The following VWC2L variants were observed in gnomAD, a reference collection of about 807,000 sequenced individuals.
The protein encoded by VWC2L is von Willebrand factor C domain-containing protein 2-like.
A neutral mutation model predicts 21.6 loss-of-function variants in VWC2L; 10 were observed. The ratio of observed to expected loss-of-function variants is 0.46; its 90% CI spans 0.29 to 0.78. The LOEUF is 0.78. VWC2L is among the 30% of genes least tolerant of loss of function. The pLI is 0.10. For missense variants in VWC2L, 209 were observed against 277.1 expected (o/e 0.75, Z 1.74); for synonymous variants, 96 against 94.3 (o/e 1.02, Z -0.10).
intron 3 of VWC2L, among the ~76,000 whole-genome samples, chr2:214,546,056 G>T (rs1689702085): frequency 6.6e-6 from 1 of 152,140 alleles, no homozygotes; most frequent in South Asian, 2.1e-4. Context: ...GGTATCACAT[G>T]CCAGAACATG....
At chr2:214,523,625 G>A (rs1689279710) in intron 3 of VWC2L, among the ~76,000 whole-genome samples, 1 of 152,112 alleles carries the variant, frequency 6.6e-6, no homozygotes, top group Admixed American at 6.5e-5. Flanking sequence ...GATCACTTGA[G>A]GTCAGGAATT....
intron 3 of VWC2L, among the ~76,000 whole-genome samples, chr2:214,561,809 T>TATATATATATATATATACACATAC: frequency 7.9e-6 from 1 of 127,246 alleles, no homozygotes; most frequent in Non-Finnish European, 1.6e-5. Flanking sequence ...TATATATATA[T>TATATATATATATATATACACATAC]ACACACACAT....
intron 3 of VWC2L, among the ~76,000 whole-genome samples, chr2:214,465,826 G>A (rs1049118697): frequency 6.6e-6 from 1 of 152,136 alleles, no homozygotes; most frequent in Admixed American, 6.6e-5. Context: ...CTCTGGTTAG[G>A]GTTGTTCTAA....
intron 3 of VWC2L, among the ~76,000 whole-genome samples, chr2:214,520,190 T>A (rs1689213261): frequency 6.6e-6 from 1 of 152,094 alleles, no homozygotes; most frequent in African/African-American, 2.4e-5. Context: ...ATTGATAACA[T>A]CTGGGCATAC....
chr2:214,460,278 C>A (rs1023424931), intron 3 of VWC2L, among the ~76,000 whole-genome samples: 1 of 152,078 alleles, frequency 6.6e-6, no homozygotes, highest in Non-Finnish European at 1.5e-5. Flanking sequence ...GGTTTCTGAG[C>A]TTTTTGTATC....
intron 3 of VWC2L, among the ~76,000 whole-genome samples, chr2:214,486,229 GAA>G (rs937708230): frequency 3.9e-5 from 6 of 152,192 alleles, no homozygotes; most frequent in African/African-American, 1.4e-4. Flanking sequence ...CTGAGCCATA[GAA>G]AAGTTAAGTG....
At chr2:214,438,205 C>A (rs1462252296) in intron 3 of VWC2L, among the ~76,000 whole-genome samples, 1 of 151,988 alleles carries the variant, frequency 6.6e-6, no homozygotes, top group Non-Finnish European at 1.5e-5. Context: ...AAAGAGTTAG[C>A]ATAATTTGTC....
At chr2:214,451,807 T>C (rs1463078531) in intron 3 of VWC2L, among the ~76,000 whole-genome samples, 1 of 152,220 alleles carries the variant, frequency 6.6e-6, no homozygotes, top group Non-Finnish European at 1.5e-5. Flanking sequence ...ATATGAGTCA[T>C]GGCAACTATT....
chr2:214,416,526 T>C (rs887669330), intron 2 of VWC2L, among the ~76,000 whole-genome samples: 3 of 152,058 alleles, frequency 2.0e-5, no homozygotes, highest in African/African-American at 7.2e-5. Context: ...TTAGAGACTA[T>C]ATAGGGCAAA....
intron 3 of VWC2L, among the ~76,000 whole-genome samples, chr2:214,526,386 C>T (rs1209425357): frequency 6.6e-6 from 1 of 152,118 alleles, no homozygotes; most frequent in Non-Finnish European, 1.5e-5. Context: ...ATCCTCCCTG[C>T]TCACACCTCC....
intron 3 of VWC2L, among the ~76,000 whole-genome samples, chr2:214,514,738 A>C (rs945597175): frequency 6.6e-6 from 1 of 152,234 alleles, no homozygotes; most frequent in Non-Finnish European, 1.5e-5. Context: ...TCCTGTAAAT[A>C]CATACACATG....
intron 3 of VWC2L, among the ~76,000 whole-genome samples, chr2:214,495,722 G>A (rs1688802405): frequency 6.6e-6 from 1 of 151,968 alleles, no homozygotes. Flanking sequence ...TGCTTACCTT[G>A]AAAACACCAT....
At chr2:214,561,811 C>CAT (rs1224083668) in intron 3 of VWC2L, among the ~76,000 whole-genome samples, 2 of 99,658 alleles carry the variant, frequency 2.0e-5, no homozygotes, top group African/African-American at 9.5e-5. Context: ...TATATATATA[C>CAT]ACACACATAT....
chr2:214,516,039 T>C (rs2105908436), intron 3 of VWC2L, among the ~76,000 whole-genome samples: 1 of 152,280 alleles, frequency 6.6e-6, no homozygotes, highest in South Asian at 2.1e-4. Flanking sequence ...TTTTATTTCA[T>C]AGGTGATGGT....
At chr2:214,487,886 C>T (rs768193088) in intron 3 of VWC2L, among the ~76,000 whole-genome samples, 2 of 152,034 alleles carry the variant, frequency 1.3e-5, no homozygotes, top group Non-Finnish European at 2.9e-5. Context: ...TGAAGAAACA[C>T]GGAAAATATC....
Position 214,576,874 on chromosome 2 carries a change from G to C in VWC2L, c.*1054G>C, listed in dbSNP as rs183137748. 2.7e-5 allele frequency: 4 copies of C among 150,240 alleles called. No individual in the cohort carries two copies. The highest frequency in any genetic ancestry group is 1.0e-4 in the African/African-American group (4 of 40,032). The allele number at this position is 150,240 out of a possible 1,614,324, so 9.3% of individuals were successfully genotyped here. ...GCCCTATGTCTGAAACACAGATTCA[G>C]GACACCCTTTCCACCTCAAGTGCTG... On this transcript the variant is annotated 3_prime_UTR_variant, in exon 4 of 4. Transcript: ENST00000312504.
chr2:214,526,113 T>C (rs1013287008), intron 3 of VWC2L, among the ~76,000 whole-genome samples: 2 of 150,762 alleles, frequency 1.3e-5, no homozygotes, highest in African/African-American at 4.8e-5. Context: ...ATCTATTATA[T>C]ATAATCACTC....
chr2:214,541,838 A>G (rs1689632589), intron 3 of VWC2L, among the ~76,000 whole-genome samples: 1 of 152,096 alleles, frequency 6.6e-6, no homozygotes, highest in Non-Finnish European at 1.5e-5. Flanking sequence ...TTTTAATCTG[A>G]GTCACTAAAA....
chr2:214,485,464 C>T (rs530396984), intron 3 of VWC2L, among the ~76,000 whole-genome samples: 6 of 152,210 alleles, frequency 3.9e-5, no homozygotes, highest in African/African-American at 1.4e-4. Flanking sequence ...ATTACTTAAC[C>T]TCTCTGAGTT....
Sources: allele counts gnomAD v4.1 joint callset (sites outside exome capture counted in the v4.1 genomes callset), GRCh38; gene constraint gnomAD v4.1.1; transcripts MANE v1.5; gene names NCBI Gene and HGNC (gene_info 2026-07-23, HGNC 2026-07-21).